Variants in ARMH4 observed in about 807,000 individuals in gnomAD.
The protein encoded by ARMH4 is armadillo-like helical domain-containing protein 4.
A neutral mutation model predicts 61.9 loss-of-function variants in ARMH4; 49 were observed. That is an observed-to-expected ratio of 0.79 (90% CI 0.63 to 1.00). The LOEUF is 1.00. ARMH4 is among the 50% of genes least tolerant of loss of function. ARMH4 has a pLI of 0.00. For synonymous variants in ARMH4, 368 were observed against 341.5 expected (o/e 1.08, Z -0.85); for missense variants, 934 against 930.0 (o/e 1.00, Z -0.06).
At chr14:58,078,694 A>G (rs1164909029) in intron 5 of ARMH4, among the ~76,000 whole-genome samples, 1 of 152,236 alleles carries the variant, frequency 6.6e-6, no homozygotes, top group African/African-American at 2.4e-5. Context: ...CAACTAACTC[A>G]ATTCCAATGT....
chr14:58,139,246 G>A lies in ARMH4; in HGVS notation c.113C>T (p.Ala38Val). The A allele has an allele frequency of 4.3e-6, 7 of 1,614,144 alleles. No homozygotes were observed. Among genetic ancestry groups the A allele is most frequent in the Non-Finnish European group, 5.9e-6 (7 of 1,180,026 alleles). Residue 38 changes from alanine to valine, a missense_variant, in exon 2 of 8, where the codon GCA becomes GTA. Transcript: ENST00000267485. ...CTGCCCTTTTTCCGCATGAACATGT[G>A]CTATCTCCCTCCTCCTTTCTATTTT... ...FPKIERRREIAHVHAEKGQSD... is the reference protein window; with the variant it reads ...FPKIERRREIVHVHAEKGQSD...
chr14:58,005,926 G>T (rs1882156498), intron 6 of ARMH4, among the ~76,000 whole-genome samples: 1 of 152,164 alleles, frequency 6.6e-6, no homozygotes, highest in African/African-American at 2.4e-5. Context: ...GAATGTCCCA[G>T]CCCCAAAGAA....
intron 1 of ARMH4, among the ~76,000 whole-genome samples, chr14:58,143,822 G>A (rs1041673892): frequency 4.8e-5 from 7 of 145,882 alleles, no homozygotes; most frequent in East Asian, 4.0e-4. Context: ...CACCCAGGTC[G>A]GAGTTTGATG....
chr14:58,057,625 C>G (rs66466221), intron 5 of ARMH4, among the ~76,000 whole-genome samples: 1 of 151,590 alleles, frequency 6.6e-6, no homozygotes, highest in Non-Finnish European at 1.5e-5. Context: ...ATGAAATTAG[C>G]GTGGCAGGTA....
intron 1 of ARMH4, among the ~76,000 whole-genome samples, chr14:58,147,922 A>G (rs1887790058): frequency 6.6e-6 from 1 of 152,142 alleles, no homozygotes; most frequent in African/African-American, 2.4e-5. Flanking sequence ...GTCCCCAAAT[A>G]TGCAATTGCC....
intron 5 of ARMH4, among the ~76,000 whole-genome samples, chr14:58,054,795 T>C (rs1293255445): frequency 2.6e-5 from 4 of 150,962 alleles, no homozygotes; most frequent in African/African-American, 9.7e-5. Context: ...AAGAATCACT[T>C]GAACCTGGGA....
rs183231046 is a variant in ARMH4 at position 58,005,226 on chromosome 14, C to T, written c.2122-44G>A. 6.1e-5 allele frequency: 98 copies of T among 1,612,156 alleles called. No individual in the cohort carries two copies. In the African/African-American group the frequency reaches 6.8e-4, roughly 11 times the overall value. On this transcript the variant is annotated intron_variant, in intron 6 of 7. Transcript: ENST00000267485. Reference sequence around the variant, plus strand: ...ACACATTAGGATGCTAAACAGAGCGCGCCGCCCTGGGTTTCTCATTTCTGC... The same window carrying T: ...ACACATTAGGATGCTAAACAGAGCGTGCCGCCCTGGGTTTCTCATTTCTGC...
chr14:58,106,158 G>C (rs997233356), intron 4 of ARMH4, among the ~76,000 whole-genome samples: 1 of 152,160 alleles, frequency 6.6e-6, no homozygotes, highest in African/African-American at 2.4e-5. Context: ...GTCCCACTGA[G>C]TCCAGCATGC....
Position 58,080,134 on chromosome 14 carries a change from A to AT in ARMH4, c.2089+16589_2089+16590insA, listed in dbSNP as rs1566570790. On this transcript the variant is annotated intron_variant, in intron 5 of 7. Coordinates refer to ENST00000267485, the MANE Select transcript of ARMH4 (RefSeq NM_001001872.4). ...ATATTTATTTATATATATATATATAAAATTTTTTTTTTGAGATGGAGTTTC... is the reference window on the plus strand; with the variant it reads ...ATATTTATTTATATATATATATATAATAATTTTTTTTTTGAGATGGAGTTTC... Among the ~76,000 whole-genome samples, 865 of 149,000 alleles carry AT rather than the reference A, an allele frequency of 5.8e-3. 13 individuals are homozygous for AT. Among genetic ancestry groups the AT allele is most frequent in the African/African-American group, 0.02 (799 of 40,426 alleles).
chr14:58,131,627 G>A lies in ARMH4; in HGVS notation c.1716C>T (p.Ser572=), dbSNP rs1887104919. 1 of 1,613,974 alleles carries A rather than the reference G, an allele frequency of 6.2e-7. No homozygotes were observed. Among genetic ancestry groups the A allele is most frequent in the Admixed American group, 1.7e-5 (1 of 60,012 alleles). ...TPPGIMVGEP[S]ISPALPALEA... ...CCAAAGCAGGAAGTGCAGGGGAAAT[G>A]CTGGGTTCCCCCACCATTATTCCAG... Residue 572 remains serine, a synonymous_variant, in exon 4 of 8, where the codon AGC becomes AGT. Transcript: ENST00000267485.
At chr14:58,069,225 A>G (rs1884801756) in intron 5 of ARMH4, among the ~76,000 whole-genome samples, 1 of 152,192 alleles carries the variant, frequency 6.6e-6, no homozygotes, top group Admixed American at 6.5e-5. Context: ...TGTGATATCC[A>G]CTTCCACCCA....
chr14:58,099,349 T>C (rs1015150875), intron 4 of ARMH4, among the ~76,000 whole-genome samples: 1 of 152,106 alleles, frequency 6.6e-6, no homozygotes, highest in Non-Finnish European at 1.5e-5. Flanking sequence ...CAGAGGAAGA[T>C]CCACACAGGA....
chr14:58,121,848 C>T (rs910467579), intron 4 of ARMH4, among the ~76,000 whole-genome samples: 4 of 152,192 alleles, frequency 2.6e-5, no homozygotes, highest in Admixed American at 6.5e-5. Context: ...TTCCCTAACA[C>T]ATTTGGCAAA....
chr14:58,036,044 A>G lies in ARMH4; in HGVS notation c.2090-23894T>C, dbSNP rs1442206653. Reference sequence around the variant, plus strand: ...AAAAAGAGGGAATCCTCCCTAACTCATTTTATGAGGCCAGCATCATTCTGA... The same window carrying G: ...AAAAAGAGGGAATCCTCCCTAACTCGTTTTATGAGGCCAGCATCATTCTGA... On this transcript the variant is annotated intron_variant, in intron 5 of 7. Transcript: ENST00000267485. Among the ~76,000 whole-genome samples the G allele has an allele frequency of 4.0e-5, 5 of 126,368 alleles. 1 individual carries two copies. Among genetic ancestry groups the G allele is most frequent in the Admixed American group, 3.8e-4 (5 of 13,320 alleles). 82.9% of individuals were successfully genotyped at this position (126,368 alleles called of 152,430 possible). A position where few individuals can be genotyped will look rare whatever the true frequency, so the allele number is the denominator to read the frequency against.
At chr14:58,100,726 G>A (rs1885941286) in intron 4 of ARMH4, among the ~76,000 whole-genome samples, 1 of 152,158 alleles carries the variant, frequency 6.6e-6, no homozygotes, top group African/African-American at 2.4e-5. Flanking sequence ...TCCGAAAGGA[G>A]TGGCACCCCT....
chr14:58,046,601 C>CA (rs1157121255), intron 5 of ARMH4, among the ~76,000 whole-genome samples: 1 of 152,132 alleles, frequency 6.6e-6, no homozygotes. Flanking sequence ...AGCAACTCAG[C>CA]AAAAATAAAG....
At chr14:58,022,194 T>A (rs192121667) in intron 5 of ARMH4, among the ~76,000 whole-genome samples, 1 of 152,096 alleles carries the variant, frequency 6.6e-6, no homozygotes, top group Non-Finnish European at 1.5e-5. Context: ...TATTCCTCCA[T>A]CTTCAAAGTC....
chr14:58,079,443 T>C (rs1369256143), intron 5 of ARMH4, among the ~76,000 whole-genome samples: 1 of 152,156 alleles, frequency 6.6e-6, no homozygotes, highest in Admixed American at 6.5e-5. Context: ...CCCACTCCTA[T>C]GATAAAGGCA....
At chr14:58,105,793 G>A (rs1480346492) in intron 4 of ARMH4, among the ~76,000 whole-genome samples, 1 of 152,030 alleles carries the variant, frequency 6.6e-6, no homozygotes, top group Non-Finnish European at 1.5e-5. Context: ...GCTCAAAGAT[G>A]TAAAGTTATA....
Sources: gnomAD v4.1 joint callset for allele counts (sites outside exome capture counted in the v4.1 genomes callset) on GRCh38, gnomAD v4.1.1 for gene constraint, MANE v1.5 for transcripts, NCBI Gene and HGNC (gene_info 2026-07-23, HGNC 2026-07-21) for gene names.